Variants in GRIP2 observed in about 807,000 individuals in gnomAD.
GRIP2 encodes the protein glutamate receptor-interacting protein 2.
Under a neutral mutation model 108.3 loss-of-function variants are expected in GRIP2, and 58 were observed. That is an observed-to-expected ratio of 0.54 (90% CI 0.43 to 0.67). The LOEUF (loss-of-function observed/expected upper bound fraction) is 0.67, where lower values mean the gene tolerates loss of function less well. Among genes scored for constraint, GRIP2 ranks in the 30% least tolerant of loss-of-function variants. The pLI is 0.00. For missense variants in GRIP2, 1,278 were observed against 1,430.6 expected, an observed-to-expected ratio of 0.89 and a Z score of 1.72; for synonymous variants, 586 against 598.2, an observed-to-expected ratio of 0.98 and a Z score of 0.30.
intron 1 of GRIP2, among the ~76,000 whole-genome samples, chr3:14,529,370 A>T (rs955616153): frequency 2.6e-5 from 4 of 151,984 alleles, no homozygotes; most frequent in Non-Finnish European, 5.9e-5. Flanking sequence ...AACACTTTGC[A>T]GTATTTAGCC....
chr3:14,540,271 G>C lies in GRIP2; in HGVS notation c.38C>G (p.Ala13Gly), dbSNP rs747336735. The C allele has an allele frequency of 6.2e-7, 1 of 1,613,540 alleles. No individual in the cohort carries two copies. The highest frequency in any genetic ancestry group is 2.2e-5 in the East Asian group (1 of 44,852). The part of the protein sequence containing the change: ...CGLSRETPGE[A>G]DDGPYSKGGK... Reference sequence around the variant, plus strand: ...CCCACAGACCCCCCATTACGTACCCGCCTCTCCAGGGGTCTCCCGGCTGAG... The same window carrying C: ...CCCACAGACCCCCCATTACGTACCCCCCTCTCCAGGGGTCTCCCGGCTGAG... The change falls in exon 1 of 24, where the codon GCG (alanine) becomes GGG (glycine). Residue 13 changes from alanine to glycine, a missense_variant and splice_region_variant. Physicochemically the swap from Ala to Gly is moderately conservative, Grantham distance 60 (BLOSUM62 0). Coordinates refer to ENST00000621039, the MANE Select transcript of GRIP2 (RefSeq NM_001080423.4). This position sits in a 1 kb window ranked among gnomAD's most constrained non-coding sequence, Gnocchi z 4.1.
rs768784360 is a variant in GRIP2, at chr3:14,496,530, C to T, written c.2710G>A (p.Val904Met). Residue 904 changes from valine (V) to methionine (M), a missense_variant, in exon 22 of 24, where the codon GTG becomes ATG. Physicochemically the swap from Val to Met is conservative, Grantham distance 21 (BLOSUM62 1). Coordinates refer to ENST00000621039, the MANE Select transcript of GRIP2 (RefSeq NM_001080423.4). ...TGGCCAGGCCTGCCCTCGAGGGCCA[C>T]CCTCTGCACGGTGCCCGTCATGATG... ...ASIMTGTVQR[V>M]ALEGRPGHRP... 26 of 1,611,648 alleles carry T rather than the reference C, an allele frequency of 1.6e-5. No individual in the cohort carries two copies. Among genetic ancestry groups the T allele is most frequent in the Non-Finnish European group, 1.2e-5 (14 of 1,178,778 alleles).
Position 14,521,991 on chromosome 3 carries a change from G to C in GRIP2, c.567-204C>G, listed in dbSNP as rs544579527. On this transcript the variant is annotated intron_variant, in intron 6 of 23. Coordinates refer to ENST00000621039, the MANE Select transcript of GRIP2 (RefSeq NM_001080423.4). This position sits in a 1 kb window ranked among gnomAD's most constrained non-coding sequence, Gnocchi z 5.1. ...GAGTGGGGAGCTGCATAAAGCAAGG[G>C]GGGGATGAAGACAGGATGGGGTGGC... The C allele has an allele frequency of 6.2e-5, 34 of 552,266 alleles. No individual in the cohort carries two copies. Among genetic ancestry groups the C allele is most frequent in the Admixed American group, 1.1e-4 (3 of 27,860 alleles). 34.2% of individuals were successfully genotyped at this position (552,266 alleles called of 1,614,324 possible).
chr3:14,575,838 G>A, the GRIP2 span, among the ~76,000 whole-genome samples: 1 of 152,224 alleles, frequency 6.6e-6, no homozygotes, highest in Non-Finnish European at 1.5e-5. Flanking sequence ...AGGAGAAAAG[G>A]GAAGCTTCAG....
chr3:14,535,483 A>C (rs1694813032), intron 1 of GRIP2, among the ~76,000 whole-genome samples: 1 of 152,218 alleles, frequency 6.6e-6, no homozygotes, highest in African/African-American at 2.4e-5. Flanking sequence ...TTCCTAGATC[A>C]ATCATGATGA....
chr3:14,601,742 G>A, the GRIP2 span, among the ~76,000 whole-genome samples: 1 of 152,172 alleles, frequency 6.6e-6, no homozygotes, highest in African/African-American at 2.4e-5. Context: ...AGCTCTCTCC[G>A]TCTTCCTCCA....
chr3:14,593,504 C>T, the GRIP2 span, among the ~76,000 whole-genome samples: 1 of 152,230 alleles, frequency 6.6e-6, no homozygotes, highest in Non-Finnish European at 1.5e-5. Context: ...ATCACACAAA[C>T]GAGTGACACA....
chr3:14,593,663 C>A, the GRIP2 span, among the ~76,000 whole-genome samples: 3 of 152,220 alleles, frequency 2.0e-5, no homozygotes, highest in African/African-American at 7.2e-5. Context: ...TACAGGTTGA[C>A]AACATCCCTC....
chr3:14,542,724 C>T (rs554609990), upstream of GRIP2, among the ~76,000 whole-genome samples: 20 of 152,312 alleles, frequency 1.3e-4, no homozygotes, highest in African/African-American at 4.8e-4. Flanking sequence ...CCCCTTTGCC[C>T]TCTGTCCTCG....
At chr3:14,536,888 CCT>C (rs1694848292) in intron 1 of GRIP2, among the ~76,000 whole-genome samples, 2 of 152,192 alleles carry the variant, frequency 1.3e-5, no homozygotes, top group Non-Finnish European at 2.9e-5. Context: ...TCCCCGGTCC[CCT>C]GACTTCACCT....
At chr3:14,583,016 T>C in the GRIP2 span, among the ~76,000 whole-genome samples, 21,224 of 152,250 alleles carry the variant, frequency 0.14, 1,574 homozygotes, top group South Asian at 0.22. Context: ...ACACTGACTA[T>C]GTGTTCATTT....
chr3:14,506,885 G>T lies in GRIP2; in HGVS notation c.2314C>A (p.Arg772Ser). Residue 772 changes from arginine to serine, a missense_variant, in exon 19 of 24, where the codon CGC becomes AGC. Transcript: ENST00000621039. ...ACACTGGGCACAGCCGGCGAGAAGC[G>T]GGCTGCTGGCAGGCCTCCTTTCAGG... ...DALKGGLPAA[R>S]FSPAVPSVDS... 1 of 1,606,706 alleles carries T rather than the reference G, an allele frequency of 6.2e-7. No individual in the cohort carries two copies. The highest frequency in any genetic ancestry group is 8.5e-7 in the Non-Finnish European group (1 of 1,176,712).
At chr3:14,556,191 G>C (rs958398736), upstream of GRIP2, 1 of 388,854 alleles carries the variant, frequency 2.6e-6, no homozygotes, top group Non-Finnish European at 4.5e-6. Context: ...GTGCAGTGCC[G>C]GATGTTCTAG....
At chr3:14,573,292 T>C in the GRIP2 span, 17 of 1,422,246 alleles carry the variant, frequency 1.2e-5, no homozygotes, top group South Asian at 8.2e-5. Context: ...AGCAGGAAGA[T>C]GGCACTGGCC....
At chr3:14,540,445 C>T (rs1694941212), upstream of GRIP2, 2 of 1,567,956 alleles carry the variant, frequency 1.3e-6, no homozygotes, top group African/African-American at 2.7e-5. This position sits in a 1 kb window ranked among gnomAD's most constrained non-coding sequence, Gnocchi z 4.1. Context: ...CCACCCACTG[C>T]AGCGGGCGGC....
At chr3:14,533,307 T>C (rs1314140698) in intron 1 of GRIP2, among the ~76,000 whole-genome samples, 1 of 152,256 alleles carries the variant, frequency 6.6e-6, no homozygotes, top group African/African-American at 2.4e-5. Context: ...CGTCTTATCC[T>C]GTGCAGATTA....
chr3:14,509,993 G>T lies in GRIP2; in HGVS notation c.1934-29C>A, dbSNP rs370327386. On this transcript the variant is annotated intron_variant, in intron 16 of 23. Transcript: ENST00000621039. ...CAAGCACGGGGACCCATGAGGAGGA[G>T]GCCCCCGAGGGGGTACCCAGCTTCC... 19 of 1,412,610 alleles carry T rather than the reference G, an allele frequency of 1.3e-5. No individual in the cohort carries two copies. The East Asian group carries it at 3.0e-4, about 22-fold the overall frequency. 87.5% of individuals were successfully genotyped at this position (1,412,610 alleles called of 1,614,324 possible).
chr3:14,592,210 T>C, the GRIP2 span, among the ~76,000 whole-genome samples: 2 of 152,152 alleles, frequency 1.3e-5, no homozygotes, highest in African/African-American at 2.4e-5. Context: ...AGCTCAGAGT[T>C]GGAGTGGGGG....
At chr3:14,565,013 C>T in the GRIP2 span, among the ~76,000 whole-genome samples, 1 of 152,232 alleles carries the variant, frequency 6.6e-6, no homozygotes, top group Non-Finnish European at 1.5e-5. Context: ...AGGGGCACGG[C>T]ACAGCCCACA....
Sources: allele counts gnomAD v4.1 joint callset (sites outside exome capture counted in the v4.1 genomes callset), GRCh38; gene constraint gnomAD v4.1.1; non-coding constraint Gnocchi (gnomAD v3.1); transcripts MANE v1.5; gene names NCBI Gene and HGNC (gene_info 2026-07-23, HGNC 2026-07-21).